Variants in SAFB2 observed in about 807,000 individuals in gnomAD.
The protein encoded by SAFB2 is scaffold attachment factor B2.
A neutral mutation model predicts 100.6 loss-of-function variants in SAFB2; 32 were observed. That is an observed-to-expected ratio of 0.32 (90% CI 0.24 to 0.43). The LOEUF (loss-of-function observed/expected upper bound fraction) is 0.43. SAFB2 is among the 20% of genes least tolerant of loss of function. The probability of loss-of-function intolerance (pLI) is 1.00; values close to 1 mark genes in which losing one functional copy is unlikely to be tolerated. For synonymous variants in SAFB2, 500 were observed against 439.4 expected (o/e 1.14, Z -1.72); for missense variants, 1,185 against 1,163.4 (o/e 1.02, Z -0.27).
Position 5,594,182 on chromosome 19 carries a change from C to A in SAFB2, c.1920-4G>T. 1.3e-6 allele frequency: 2 copies of A among 1,585,946 alleles called. No individual in the cohort carries two copies. The highest frequency in any genetic ancestry group is 1.1e-5 in the South Asian group (1 of 88,612). On this transcript the variant is annotated splice_polypyrimidine_tract_variant and splice_region_variant and intron_variant, in intron 14 of 20. Transcript: ENST00000252542. ...CCGCTCCCGCTGCTCGCGCTCCCTG[C>A]GGGGACAGGTGAGGCTGCCCTGAAC...
chr19:5,611,351 C>G lies in SAFB2; in HGVS notation c.914G>C (p.Arg305Thr). 2.8e-6 allele frequency: 1 copy of G among 356,492 alleles called. No individual in the cohort carries two copies. The highest frequency in any genetic ancestry group is 4.6e-6 in the Non-Finnish European group (1 of 215,082). The allele number at this position is 356,492 out of a possible 1,614,324, so 22.1% of individuals were successfully genotyped here. A position where few individuals can be genotyped will look rare whatever the true frequency, so the allele number is the denominator to read the frequency against. The change falls in exon 7 of 21, where the codon AGG (arginine) becomes ACG (threonine). Residue 305 changes from arginine (R) to threonine (T), a missense_variant. Physicochemically the swap from Arg to Thr is moderately conservative, Grantham distance 71. Coordinates refer to ENST00000252542, the MANE Select transcript of SAFB2 (RefSeq NM_014649.3). ...TAGCCCTACAGGCTCACAGTCCGTC[C>G]TCTCGCCATCGCCTGGCTGCTCCGC... ...EPAEQPGDGE[R>T]TDCEPVGLEP...
chr19:5,617,680 G>A (rs2053061147), intron 2 of SAFB2, among the ~76,000 whole-genome samples: 1 of 152,184 alleles, frequency 6.6e-6, no homozygotes, highest in Non-Finnish European at 1.5e-5. Context: ...TCAGTAGCTA[G>A]TGATGCTGGT....
intron 13 of SAFB2, 125 bp from the exon 14 acceptor site, chr19:5,595,622 G>A: frequency 8.2e-7 from 1 of 1,218,480 alleles, no homozygotes; most frequent in Non-Finnish European, 1.1e-6. Flanking sequence ...GAAGGCTGTG[G>A]TCTCCAGACC....
chr19:5,618,410 C>T (rs541826004), intron 2 of SAFB2, among the ~76,000 whole-genome samples: 35 of 152,212 alleles, frequency 2.3e-4, no homozygotes, highest in African/African-American at 7.2e-4. Flanking sequence ...AGGGTCTACA[C>T]CTCAAGAGTC....
chr19:5,588,545 G>C (rs2052316355), intron 18 of SAFB2, among the ~76,000 whole-genome samples: 1 of 152,198 alleles, frequency 6.6e-6, no homozygotes, highest in South Asian at 2.1e-4. Context: ...ACCATGGAAT[G>C]TTCAGCCCTA....
At chr19:5,620,444 G>A (rs2053117026) in intron 2 of SAFB2, among the ~76,000 whole-genome samples, 1 of 152,188 alleles carries the variant, frequency 6.6e-6, no homozygotes, top group Admixed American at 6.5e-5. Flanking sequence ...GATAGTCAAA[G>A]CTTCAAAGTT....
In SAFB2 at chr19:5,598,822, C is replaced by T. The variant is rs778514046; in HGVS notation, c.1753G>A (p.Val585Met). ...DKSKGEPVIS[V>M]KTTSRSKERS... ...TCTTTGGACCTGCTTGTGGTTTTCA[C>T]GCTAATGACGGGCTCTCCTTTCGAT... Residue 585 changes from valine to methionine, a missense_variant, in exon 13 of 21, where the codon GTG becomes ATG. This residue lies in a region of SAFB2 where 740 missense variants were observed against 687.1 expected (regional missense o/e 1.08). Transcript: ENST00000252542. 16 of 1,614,048 alleles carry T rather than the reference C, an allele frequency of 9.9e-6. No homozygotes were observed. The highest frequency in any genetic ancestry group is 2.2e-5 in the East Asian group (1 of 44,900).
At chr19:5,613,711 C>T in intron 4 of SAFB2, 184 bp from the exon 5 acceptor site, 1 of 985,476 alleles carries the variant, frequency 1.0e-6, no homozygotes, top group Non-Finnish European at 1.2e-6. Context: ...CACGACTCTG[C>T]TCCACCAGCG....
chr19:5,598,883 T>G lies in SAFB2; in HGVS notation c.1692A>C (p.Gly564=). The part of the protein sequence containing the change: ...PTNRSRVTKS[G]SRGMERTVVM... ...CGACCGTCCGCTCCATTCCTCTGCT[T>G]CCTTCAGGAAAAAACACAACAAACT... Residue 564 remains glycine, a splice_region_variant and synonymous_variant, in exon 13 of 21, where the codon GGA becomes GGC. Transcript: ENST00000252542. 3.1e-6 allele frequency: 5 copies of G among 1,613,966 alleles called. No individual in the cohort carries two copies. The highest frequency in any genetic ancestry group is 4.2e-6 in the Non-Finnish European group (5 of 1,179,982).
rs1051172357 is a variant in SAFB2, at chr19:5,604,905, C to T, written c.1328G>A (p.Arg443His). 3.7e-6 allele frequency: 6 copies of T among 1,613,568 alleles called. No homozygotes were observed. The highest frequency in any genetic ancestry group is 4.2e-6 in the Non-Finnish European group (5 of 1,180,034). ...TCCATAGCATCGAGCCCCCGGGCTG[C>T]GGGCGTTCGTTACCACTTTGGCCCC... ...VVGAKVVTNA[R>H]SPGARCYGFV... The change falls in exon 10 of 21, where the codon CGC (arginine) becomes CAC (histidine). Residue 443 changes from arginine to histidine, a missense_variant. Arg to His is a conservative substitution (Grantham distance 29, BLOSUM62 0). Coordinates refer to ENST00000252542, the MANE Select transcript of SAFB2 (RefSeq NM_014649.3).
chr19:5,615,325 A>C (rs577293632), intron 4 of SAFB2, among the ~76,000 whole-genome samples: 1 of 152,234 alleles, frequency 6.6e-6, no homozygotes. Flanking sequence ...ACTGCACTCC[A>C]GCCTGGGTGA....
At chr19:5,605,600 C>G (rs2052758727) in intron 9 of SAFB2, among the ~76,000 whole-genome samples, 1 of 152,226 alleles carries the variant, frequency 6.6e-6, no homozygotes, top group East Asian at 1.9e-4. Context: ...TCCACTCCAG[C>G]TGGGCCTGAG....
chr19:5,614,218 G>A (rs1322300552), intron 4 of SAFB2, among the ~76,000 whole-genome samples: 1 of 152,190 alleles, frequency 6.6e-6, no homozygotes, highest in Non-Finnish European at 1.5e-5. Flanking sequence ...CTCCCGGAGT[G>A]TTGGGATTAC....
chr19:5,597,217 G>C (rs1338280663), intron 13 of SAFB2, among the ~76,000 whole-genome samples: 1 of 152,128 alleles, frequency 6.6e-6, no homozygotes, highest in Non-Finnish European at 1.5e-5. Flanking sequence ...AACACACCCA[G>C]GAGATTTAAG....
At chr19:5,610,475 T>C in intron 8 of SAFB2, 164 bp downstream of exon 8, 1 of 642,962 alleles carries the variant, frequency 1.6e-6, no homozygotes, top group East Asian at 2.8e-5. Context: ...ATGCAGGTGC[T>C]TGCGAACTTC....
intron 13 of SAFB2, 68 bp downstream of exon 13, chr19:5,598,725 C>G: frequency 7.1e-7 from 1 of 1,403,086 alleles, no homozygotes; most frequent in Non-Finnish European, 1.0e-6. Flanking sequence ...TTTCATAATG[C>G]GGATCAAACG....
intron 1 of SAFB2, among the ~76,000 whole-genome samples, chr19:5,622,159 C>A (rs2053169595): frequency 6.6e-6 from 1 of 152,174 alleles, no homozygotes; most frequent in African/African-American, 2.4e-5. Flanking sequence ...CTCTGGAGTC[C>A]GCCAGACACC....
At chr19:5,588,600 C>CT (rs2052317714) in intron 18 of SAFB2, among the ~76,000 whole-genome samples, 1 of 152,142 alleles carries the variant, frequency 6.6e-6, no homozygotes, top group African/African-American at 2.4e-5. Flanking sequence ...GAGATGAGCC[C>CT]TGAATACCCA....
At chr19:5,610,194 C>A in intron 8 of SAFB2, 99 bp from the exon 9 acceptor site, 1 of 877,800 alleles carries the variant, frequency 1.1e-6, no homozygotes, top group Non-Finnish European at 1.9e-6. Context: ...CTAACGACGC[C>A]CAATCCCAAC....
Sources: gnomAD v4.1 joint callset for allele counts (sites outside exome capture counted in the v4.1 genomes callset) on GRCh38, gnomAD v4.1.1 for gene constraint, gnomAD v4.1.1 regional missense constraint, MANE v1.5 for transcripts, NCBI Gene and HGNC (gene_info 2026-07-23, HGNC 2026-07-21) for gene names.